Variants in IYD observed in about 807,000 individuals in gnomAD.
IYD encodes iodotyrosine deiodinase, also known as iodotyrosine deiodinase 1.
IYD carries 25 observed loss-of-function variants against 28.4 expected under a neutral mutation model. The observed-to-expected ratio is 0.88, with a 90% confidence interval of 0.64 to 1.23. The LOEUF is 1.23. IYD is among the 50% of genes most tolerant of loss of function. The probability of loss-of-function intolerance (pLI) is 0.00; values close to 1 mark genes in which losing one functional copy is unlikely to be tolerated. For synonymous variants in IYD, 140 were observed against 130.8 expected (o/e 1.07, Z -0.48); for missense variants, 352 against 357.9 (o/e 0.98, Z 0.13).
chr6:150,388,218 T>C (rs1203410120), intron 1 of IYD, among the ~76,000 whole-genome samples: 1 of 152,240 alleles, frequency 6.6e-6, no homozygotes, highest in Admixed American at 6.5e-5. Flanking sequence ...AATTTACTTA[T>C]GATTGACACT....
intron 4 of IYD, chr6:150,395,928 G>A: frequency 2.1e-6 from 1 of 483,642 alleles, no homozygotes; most frequent in Non-Finnish European, 3.7e-6. Context: ...CTATCAACGG[G>A]CATCAGCATC....
Position 150,398,686 on chromosome 6 carries a change from CTTT to C in IYD, c.*459_*461del, listed in dbSNP as rs61597872. 6 of 150,728 alleles carry C rather than the reference CTTT, an allele frequency of 4.0e-5. No individual in the cohort carries two copies. The highest frequency in any genetic ancestry group is 2.0e-4 in the South Asian group (1 of 4,946). The allele number at this position is 150,728 out of a possible 1,614,324, so 9.3% of individuals were successfully genotyped here. On this transcript the variant is annotated 3_prime_UTR_variant, in exon 5 of 5. Transcript: ENST00000344419. ...TTTAGACACTAATTTTTGAGAACTACTTTTTTTTTTTTACCAAACTTCAGGGAC... is the reference window on the plus strand; with the variant it reads ...TTTAGACACTAATTTTTGAGAACTACTTTTTTTTTACCAAACTTCAGGGAC...
chr6:150,398,005 A>T, intron 4 of IYD, 50 bp from the exon 5 acceptor site: 1 of 1,549,828 alleles, frequency 6.5e-7, no homozygotes, highest in South Asian at 1.1e-5. Context: ...GAGGGAGAGC[A>T]GTCATTCTGC....
chr6:150,385,392 T>C (rs1187432261), intron 1 of IYD, among the ~76,000 whole-genome samples: 2 of 152,118 alleles, frequency 1.3e-5, no homozygotes, highest in Middle Eastern at 3.2e-3. Context: ...GAAAGTTCCT[T>C]TCTCCAAATT....
rs1163787977 is a variant in IYD, at chr6:150,403,748, G to A, written c.*5511G>A. ...GTCATGAGGCAGGGGATTGGTTTAT[G>A]TTATTATCATGACCTGAGAGTCATG... On this transcript the variant is annotated 3_prime_UTR_variant, in exon 5 of 5. Transcript: ENST00000344419. 1 of 152,258 alleles carries A rather than the reference G, an allele frequency of 6.6e-6. No individual in the cohort carries two copies. Among genetic ancestry groups the A allele is most frequent in the African/African-American group, 2.4e-5 (1 of 41,464 alleles). 9.4% of individuals were successfully genotyped at this position (152,258 alleles called of 1,614,324 possible).
intron 1 of IYD, 120 bp downstream of exon 1, chr6:150,369,329 T>C: frequency 1.1e-6 from 1 of 917,174 alleles, no homozygotes; most frequent in Non-Finnish European, 1.7e-6. Flanking sequence ...AACATCAACC[T>C]CTATTGTGCT....
intron 4 of IYD, among the ~76,000 whole-genome samples, chr6:150,394,506 G>C (rs1778239290): frequency 6.6e-6 from 1 of 152,162 alleles, no homozygotes; most frequent in Admixed American, 6.5e-5. Context: ...GTAACAACAT[G>C]AAGTTTCAAG....
chr6:150,394,330 TG>T (rs199977189), intron 4 of IYD, 75 bp downstream of exon 4: 14 of 1,551,424 alleles, frequency 9.0e-6, no homozygotes, highest in African/African-American at 8.2e-5. Context: ...CAGGGACATT[TG>T]GAAATTTTTT....
At chr6:150,385,772 T>C (rs562180039) in intron 1 of IYD, among the ~76,000 whole-genome samples, 10 of 152,130 alleles carry the variant, frequency 6.6e-5, no homozygotes, top group Non-Finnish European at 1.3e-4. Context: ...TTGCTTTCTC[T>C]TTTAGGAAAA....
chr6:150,369,644 C>G (rs1047704216), intron 1 of IYD, among the ~76,000 whole-genome samples: 9 of 152,178 alleles, frequency 5.9e-5, no homozygotes, highest in African/African-American at 2.2e-4. Context: ...CCTGGGATGG[C>G]CTCTGTCCTC....
chr6:150,373,052 A>G (rs773930072), intron 1 of IYD, among the ~76,000 whole-genome samples: 4 of 152,190 alleles, frequency 2.6e-5, no homozygotes, highest in Non-Finnish European at 4.4e-5. Flanking sequence ...ACATCTCATC[A>G]AGATGAATCT....
At chr6:150,375,641 A>ATT (rs1777419191) in intron 1 of IYD, among the ~76,000 whole-genome samples, 1 of 68,470 alleles carries the variant, frequency 1.5e-5, no homozygotes, top group Non-Finnish European at 4.4e-5. Context: ...CTTGATTATA[A>ATT]CTACTTCTGT....
At chr6:150,371,258 T>G (rs1228052368) in intron 1 of IYD, among the ~76,000 whole-genome samples, 2 of 152,178 alleles carry the variant, frequency 1.3e-5, no homozygotes, top group Non-Finnish European at 2.9e-5. Context: ...GACAGTACAA[T>G]GAGGTAGGCA....
Position 150,389,534 on chromosome 6 carries a change from A to C in IYD, c.361A>C (p.Arg121=). The C allele has an allele frequency of 6.2e-7, 1 of 1,614,014 alleles. No homozygotes were observed. The highest frequency in any genetic ancestry group is 8.5e-7 in the Non-Finnish European group (1 of 1,179,872). ...VPMEVIDNVI[R]TAGTAPSGAH... ...AATGGAAGTCATTGATAATGTCATC[A>C]GAACGGCAGGTTTGTAATTGCAGAT... Residue 121 remains arginine (R), a synonymous_variant, in exon 2 of 5, where the codon AGA becomes CGA. Transcript: ENST00000344419.
intron 1 of IYD, among the ~76,000 whole-genome samples, chr6:150,372,154 T>C (rs1200429236): frequency 2.0e-5 from 3 of 152,228 alleles, no homozygotes; most frequent in Non-Finnish European, 4.4e-5. Context: ...CATTCTAGCA[T>C]GAGTTAAGGA....
At chr6:150,394,052 CAA>C (rs760099575) in intron 3 of IYD, 45 bp from the exon 4 acceptor site, 82 of 1,595,604 alleles carry the variant, frequency 5.1e-5, no homozygotes, top group Non-Finnish European at 7.0e-5. Context: ...TAAAAGAGAA[CAA>C]AAAATATGGG....
chr6:150,383,161 G>C (rs1777714040), intron 1 of IYD, among the ~76,000 whole-genome samples: 1 of 152,190 alleles, frequency 6.6e-6, no homozygotes, highest in Non-Finnish European at 1.5e-5. Flanking sequence ...CAAACCCTGT[G>C]GTTCCCTGGA....
intron 1 of IYD, among the ~76,000 whole-genome samples, chr6:150,374,562 C>G (rs1332671144): frequency 6.6e-6 from 1 of 152,150 alleles, no homozygotes; most frequent in Admixed American, 6.5e-5. Flanking sequence ...GAGAATCAAG[C>G]GAAAGGGGCT....
intron 1 of IYD, chr6:150,369,931 G>A: frequency 1.4e-6 from 1 of 701,482 alleles, no homozygotes; most frequent in Middle Eastern, 2.3e-4. Context: ...GAGGGTGGAG[G>A]GAGAGGGTAA....
Sources: allele counts gnomAD v4.1 joint callset (sites outside exome capture counted in the v4.1 genomes callset), GRCh38; gene constraint gnomAD v4.1.1; transcripts MANE v1.5; gene names NCBI Gene and HGNC (gene_info 2026-07-23, HGNC 2026-07-21).